Variants in FGF12 observed in about 807,000 individuals in gnomAD.
FGF12 encodes the protein fibroblast growth factor 12B.
FGF12 carries 14 observed loss-of-function variants against 23.6 expected under a neutral mutation model. That is an observed-to-expected ratio of 0.59 (90% CI 0.39 to 0.93). The LOEUF is 0.93. Ranked by LOEUF, FGF12 falls within the 40% of genes least tolerant of loss-of-function variation. FGF12 has a pLI of 0.00. For missense variants in FGF12, 175 were observed against 217.8 expected (o/e 0.80, Z 1.24); for synonymous variants, 62 against 77.3 (o/e 0.80, Z 1.04).
intron 2 of FGF12, among the ~76,000 whole-genome samples, chr3:192,662,083 A>C (rs1306461201): frequency 6.6e-6 from 1 of 152,212 alleles, no homozygotes; most frequent in African/African-American, 2.4e-5. Context: ...CACAGTCTTC[A>C]TTCACCAGCG....
At chr3:192,359,056 G>C (rs532907945) in intron 3 of FGF12, among the ~76,000 whole-genome samples, 27 of 152,192 alleles carry the variant, frequency 1.8e-4, no homozygotes, top group African/African-American at 6.5e-4. Context: ...GGAGAGAAAA[G>C]TATCCTGATT....
Position 192,355,438 on chromosome 3 carries a change from G to A in FGF12, c.124+4990C>T, listed in dbSNP as rs141384386. ...ACTATATCAGGAAAATATCAAGAAT[G>A]TGCCCAGGTGGCAATGGAGGGTGTG... On this transcript the variant is annotated intron_variant, in intron 3 of 5. Transcript: ENST00000445105. Among the ~76,000 whole-genome samples the A allele has an allele frequency of 3.0e-3, 453 of 152,314 alleles. 1 individual carries two copies. The highest frequency in any genetic ancestry group is 0.01 in the African/African-American group (432 of 41,554).
chr3:192,552,744 A>G (rs1028595691), intron 2 of FGF12, among the ~76,000 whole-genome samples: 1 of 152,080 alleles, frequency 6.6e-6, no homozygotes, highest in African/African-American at 2.4e-5. Context: ...TACAAAAATT[A>G]AGCAGATATA....
At chr3:192,668,287 G>A (rs565692530) in intron 2 of FGF12, among the ~76,000 whole-genome samples, 1 of 152,212 alleles carries the variant, frequency 6.6e-6, no homozygotes, top group African/African-American at 2.4e-5. Flanking sequence ...GAACCAGAGC[G>A]GCAACCCACA....
chr3:192,649,559 T>C (rs956584726), intron 2 of FGF12, among the ~76,000 whole-genome samples: 15 of 152,084 alleles, frequency 9.9e-5, no homozygotes, highest in African/African-American at 3.6e-4. Context: ...TTTATTTTTA[T>C]TTATTTATTA....
At chr3:192,707,423 T>G (rs1042120219) in intron 2 of FGF12, among the ~76,000 whole-genome samples, 7 of 152,028 alleles carry the variant, frequency 4.6e-5, no homozygotes, top group Non-Finnish European at 8.8e-5. Context: ...CAAATAATAA[T>G]AAAGAATCAT....
At chr3:192,286,558 G>A (rs1163928028) in intron 4 of FGF12, among the ~76,000 whole-genome samples, 1 of 151,930 alleles carries the variant, frequency 6.6e-6, no homozygotes, top group African/African-American at 2.4e-5. Flanking sequence ...AGATACAGAG[G>A]TTTTCAACAA....
intron 2 of FGF12, among the ~76,000 whole-genome samples, chr3:192,574,625 AG>A (rs1192116345): frequency 6.6e-6 from 1 of 152,184 alleles, no homozygotes; most frequent in African/African-American, 2.4e-5. Flanking sequence ...TCCATTGCTT[AG>A]GGGGGATGAG....
intron 4 of FGF12, among the ~76,000 whole-genome samples, chr3:192,268,001 G>A (rs536258223): frequency 6.6e-6 from 1 of 152,042 alleles, no homozygotes; most frequent in Non-Finnish European, 1.5e-5. Context: ...TTCTATTTGA[G>A]TATTCTTGTT....
intron 2 of FGF12, among the ~76,000 whole-genome samples, chr3:192,503,758 A>C (rs1373256384): frequency 6.6e-6 from 1 of 151,846 alleles, no homozygotes; most frequent in Non-Finnish European, 1.5e-5. Flanking sequence ...GGCGCCCGCC[A>C]CCACGCCCGG....
At chr3:192,563,648 T>C (rs1483311126) in intron 2 of FGF12, among the ~76,000 whole-genome samples, 10 of 152,222 alleles carry the variant, frequency 6.6e-5, no homozygotes, top group Admixed American at 6.5e-4. Flanking sequence ...GTATCATTAG[T>C]GTCCTGAAAC....
chr3:192,418,552 G>T (rs1721425187), intron 2 of FGF12, among the ~76,000 whole-genome samples: 1 of 152,092 alleles, frequency 6.6e-6, no homozygotes, highest in Admixed American at 6.6e-5. Context: ...ACATTGATCT[G>T]GTTTGAATCT....
At chr3:192,653,382 A>G (rs778860015) in intron 2 of FGF12, among the ~76,000 whole-genome samples, 1 of 152,154 alleles carries the variant, frequency 6.6e-6, no homozygotes, top group Non-Finnish European at 1.5e-5. Flanking sequence ...TCTGGTCCCT[A>G]CATTTTGGTT....
chr3:192,508,654 C>T (rs1724382727), intron 2 of FGF12, among the ~76,000 whole-genome samples: 1 of 152,178 alleles, frequency 6.6e-6, no homozygotes, highest in African/African-American at 2.4e-5. Flanking sequence ...TAGACTTGAA[C>T]TGAGTTGTAG....
intron 4 of FGF12, among the ~76,000 whole-genome samples, chr3:192,255,241 G>C (rs908903671): frequency 1.3e-5 from 2 of 151,744 alleles, no homozygotes; most frequent in Non-Finnish European, 1.5e-5. Flanking sequence ...CTCAATAAAA[G>C]GTAATTTATT....
chr3:192,183,461 C>T (rs1716290944), intron 4 of FGF12, among the ~76,000 whole-genome samples: 1 of 152,184 alleles, frequency 6.6e-6, no homozygotes, highest in African/African-American at 2.4e-5. Context: ...ATGCTTCTTG[C>T]TGTGATGGTG....
At chr3:192,703,138 T>C (rs1261969105) in intron 2 of FGF12, among the ~76,000 whole-genome samples, 1 of 152,236 alleles carries the variant, frequency 6.6e-6, no homozygotes, top group Non-Finnish European at 1.5e-5. Context: ...CCTATAATTT[T>C]GGAATTGTGT....
chr3:192,616,523 A>G (rs1714759954), intron 2 of FGF12, among the ~76,000 whole-genome samples: 1 of 151,960 alleles, frequency 6.6e-6, no homozygotes, highest in Non-Finnish European at 1.5e-5. Context: ...TGAGGCATAG[A>G]CTCTCAGAAT....
At position 192,607,750 on chromosome 3, in the gene FGF12, C is replaced by T. The variant is rs149662004; in HGVS notation, c.13+119431G>A. Among the ~76,000 whole-genome samples, 91 of 146,694 alleles carry T rather than the reference C, an allele frequency of 6.2e-4. 2 individuals are homozygous for T. The East Asian group carries it at 0.014, about 23-fold the overall frequency. On this transcript the variant is annotated intron_variant, in intron 2 of 5. Transcript: ENST00000445105. ...GAACTTTGACAATTTTTAAAAAGGA[C>T]ATAAAAAGTTCGTTGGTGGAAATTT...
Sources: allele counts gnomAD v4.1 joint callset (sites outside exome capture counted in the v4.1 genomes callset), GRCh38; gene constraint gnomAD v4.1.1; transcripts MANE v1.5; gene names NCBI Gene and HGNC (gene_info 2026-07-23, HGNC 2026-07-21).